Variants in EGFR observed in about 807,000 individuals in gnomAD.
EGFR encodes epidermal growth factor receptor, also known as avian erythroblastic leukemia viral (v-erb-b) oncogene homolog.
In EGFR, 58 loss-of-function variants were observed where a neutral mutation model predicts 143.0. That is an observed-to-expected ratio of 0.41 (90% confidence interval 0.33 to 0.50). The LOEUF is 0.50. Ranked by LOEUF, EGFR falls within the 20% of genes least tolerant of loss-of-function variation. The pLI is 0.39. For synonymous variants in EGFR, 613 were observed against 594.4 expected (o/e 1.03, Z -0.45); for missense variants, 1,307 against 1,579.0 (o/e 0.83, Z 2.92).
chr7:55,099,010 C>G (rs1450514082), intron 1 of EGFR, among the ~76,000 whole-genome samples: 1 of 152,206 alleles, frequency 6.6e-6, no homozygotes, highest in Non-Finnish European at 1.5e-5. Flanking sequence ...CCTCTGGCAG[C>G]TCTTCATAAA....
chr7:55,056,957 T>C (rs887606218), intron 1 of EGFR, among the ~76,000 whole-genome samples: 4 of 152,222 alleles, frequency 2.6e-5, no homozygotes, highest in Non-Finnish European at 5.9e-5. Flanking sequence ...GAGCTGCAGC[T>C]TGTAAGGTGG....
In EGFR at chr7:55,129,822, G is replaced by A. The variant is rs533640564; in HGVS notation, c.89-12464G>A. Among the ~76,000 whole-genome samples the A allele has an allele frequency of 2.6e-5, 4 of 152,242 alleles. No individual in the cohort carries two copies. In the South Asian group the frequency reaches 8.3e-4, roughly 32 times the overall value. ...GGGGAAAATGAATCACTCCAACCAGGTCTGTCTTCTAGAAAGTATAGGATG... is the reference window on the plus strand; with the variant it reads ...GGGGAAAATGAATCACTCCAACCAGATCTGTCTTCTAGAAAGTATAGGATG... On this transcript the variant is annotated intron_variant, in intron 1 of 27. Transcript: ENST00000275493.
chr7:55,099,792 T>C (rs1021087079), intron 1 of EGFR, among the ~76,000 whole-genome samples: 3 of 151,718 alleles, frequency 2.0e-5, no homozygotes, highest in Middle Eastern at 3.4e-3. Flanking sequence ...ACTTCCAGTG[T>C]CTTTTGCCAA....
chr7:55,192,927 A>G (rs375639586), intron 22 of EGFR, 86 bp downstream of exon 22: 2 of 1,159,406 alleles, frequency 1.7e-6, no homozygotes, highest in Admixed American at 3.4e-5. Context: ...ATCCTCTGAC[A>G]TGCAAGTATT....
chr7:55,113,407 TC>T (rs1330380994), intron 1 of EGFR, among the ~76,000 whole-genome samples: 5 of 152,196 alleles, frequency 3.3e-5, no homozygotes. Flanking sequence ...TTCTTTTTTT[TC>T]CCAGGTGAAA....
chr7:55,035,491 A>C (rs1787503506), intron 1 of EGFR, among the ~76,000 whole-genome samples: 1 of 147,472 alleles, frequency 6.8e-6, no homozygotes, highest in African/African-American at 2.5e-5. Context: ...TGGCCAACAT[A>C]GCAAAACCCC....
intron 8 of EGFR, 53 bp from the exon 9 acceptor site, chr7:55,156,480 T>A: frequency 6.2e-7 from 1 of 1,612,172 alleles, no homozygotes; most frequent in South Asian, 1.1e-5. Flanking sequence ...GATCCCTAGC[T>A]ATTCTTAATC....
chr7:55,049,385 A>T (rs2128873223), intron 1 of EGFR, among the ~76,000 whole-genome samples: 1 of 152,268 alleles, frequency 6.6e-6, no homozygotes, highest in East Asian at 1.9e-4. Context: ...CTGAAGCACA[A>T]ATCTATAGAG....
At chr7:55,077,417 T>C (rs1366975589) in intron 1 of EGFR, among the ~76,000 whole-genome samples, 4 of 152,212 alleles carry the variant, frequency 2.6e-5, no homozygotes, top group Non-Finnish European at 5.9e-5. Flanking sequence ...CATAGTACAA[T>C]TTCATCACTA....
intron 19 of EGFR, 156 bp from the exon 20 acceptor site, chr7:55,181,137 C>T: frequency 1.1e-6 from 1 of 933,126 alleles, no homozygotes; most frequent in Non-Finnish European, 1.7e-6. Context: ...GTAAACGTCC[C>T]TGTGCTAGGT....
chr7:55,122,159 G>A (rs541256622), intron 1 of EGFR, among the ~76,000 whole-genome samples: 3 of 152,236 alleles, frequency 2.0e-5, no homozygotes, highest in South Asian at 2.1e-4. Flanking sequence ...TCCAGTCTTC[G>A]GGCCACATTT....
intron 19 of EGFR, among the ~76,000 whole-genome samples, chr7:55,176,829 GAGAGATATATATTT>G (rs955353802): frequency 6.1e-5 from 4 of 65,866 alleles, no homozygotes; most frequent in Non-Finnish European, 9.7e-5. Flanking sequence ...TATATATTTA[GAGAGATATATATTT>G]AGAGAGATAT....
rs142194552 is a variant in EGFR at position 55,060,775 on chromosome 7, T to C, written c.88+41410T>C. On this transcript the variant is annotated intron_variant, in intron 1 of 27. Coordinates refer to ENST00000275493, the MANE Select transcript of EGFR (RefSeq NM_005228.5). ...TTCCCTGTGAAAGGGTATGAGTAGG[T>C]TTTGGGGCTCTGGATACCGTGTGGC... Among the ~76,000 whole-genome samples the C allele has an allele frequency of 1.8e-4, 27 of 152,248 alleles. No individual in the cohort carries two copies. The East Asian group carries it at 5.2e-3, about 29-fold the overall frequency.
chr7:55,156,955 C>T (rs2128938979), intron 10 of EGFR, 123 bp downstream of exon 10: 1 of 1,548,106 alleles, frequency 6.5e-7, no homozygotes, highest in East Asian at 2.4e-5. Flanking sequence ...CCGTTAATGG[C>T]TGATGTTTTG....
At chr7:55,201,917 A>C (rs1217173830) in intron 26 of EGFR, 135 bp downstream of exon 26, 1 of 1,033,066 alleles carries the variant, frequency 9.7e-7, no homozygotes, top group Admixed American at 1.8e-5. Flanking sequence ...TTTTCCCTGC[A>C]CGGCTGTCAC....
chr7:55,187,299 G>T (rs575324269), intron 20 of EGFR, among the ~76,000 whole-genome samples: 5 of 126,476 alleles, frequency 4.0e-5, no homozygotes, highest in African/African-American at 1.5e-4. Flanking sequence ...CTCTCCATGG[G>T]TGCTATCTCT....
At chr7:55,049,121 A>C (rs1003001081) in intron 1 of EGFR, among the ~76,000 whole-genome samples, 2 of 152,226 alleles carry the variant, frequency 1.3e-5, no homozygotes, top group East Asian at 3.8e-4. Flanking sequence ...TTGCTGATGC[A>C]ATACAGTTTT....
chr7:55,119,783 AG>A (rs962445769), intron 1 of EGFR, among the ~76,000 whole-genome samples: 10 of 152,162 alleles, frequency 6.6e-5, no homozygotes, highest in Non-Finnish European at 1.3e-4. Context: ...GTGTCTTGAA[AG>A]GTCCTTCTAT....
intron 1 of EGFR, among the ~76,000 whole-genome samples, chr7:55,118,808 C>A (rs1034091735): frequency 1.3e-5 from 2 of 152,116 alleles, no homozygotes; most frequent in Non-Finnish European, 2.9e-5. Context: ...AAGAAGTCAG[C>A]CCATCAGCCT....
Sources: gnomAD v4.1 joint callset for allele counts (sites outside exome capture counted in the v4.1 genomes callset) on GRCh38, gnomAD v4.1.1 for gene constraint, MANE v1.5 for transcripts, NCBI Gene and HGNC (gene_info 2026-07-23, HGNC 2026-07-21) for gene names.